AP3B2: variants seen among roughly 807,000 people sequenced by gnomAD.
AP3B2 encodes the protein AP-3 complex subunit beta-2.
Under a neutral mutation model 126.9 loss-of-function variants are expected in AP3B2, and 50 were observed. The observed-to-expected ratio is 0.39, with a 90% confidence interval of 0.31 to 0.50. AP3B2 has a LOEUF of 0.50. Ranked by LOEUF, AP3B2 falls within the 20% of genes least tolerant of loss-of-function variation. The pLI, the probability that AP3B2 is intolerant of heterozygous loss-of-function variation, is 0.79. For missense variants in AP3B2, 1,177 were observed against 1,426.4 expected, an observed-to-expected ratio of 0.83 and a Z score of 2.82; for synonymous variants, 541 against 565.0, an observed-to-expected ratio of 0.96 and a Z score of 0.60.
Position 82,665,530 on chromosome 15 carries a change from G to C in AP3B2, c.1898C>G (p.Ala633Gly), listed in dbSNP as rs374158382. The change falls in exon 16 of 27, where the codon GCC becomes GGC. Residue 633 changes from alanine (A) to glycine (G), a missense_variant. Coordinates refer to ENST00000535359, the MANE Select transcript of AP3B2 (RefSeq NM_001278512.2). The surrounding 1 kb of genome is among the most constrained non-coding windows in gnomAD (Gnocchi z 4.4). ...QLGSLSHLLNAKATGYQELPD... is the reference protein window; with the variant it reads ...QLGSLSHLLNGKATGYQELPD... Reference sequence around the variant, plus strand: ...GAGCTCCTGGTAGCCTGTGGCCTTGGCATTAAGCAGGTGGGACAGTGAGCC... The same window carrying C: ...GAGCTCCTGGTAGCCTGTGGCCTTGCCATTAAGCAGGTGGGACAGTGAGCC... 1.9e-6 allele frequency: 3 copies of C among 1,613,840 alleles called. No homozygotes were observed. Among genetic ancestry groups the C allele is most frequent in the Non-Finnish European group, 2.5e-6 (3 of 1,179,902 alleles).
At chr15:82,671,100 C>T (rs142143422) in intron 14 of AP3B2, among the ~76,000 whole-genome samples, 20 of 151,820 alleles carry the variant, frequency 1.3e-4, no homozygotes, top group Admixed American at 3.9e-4. Flanking sequence ...CTGACCAACA[C>T]AGCGAAACCC....
At chr15:82,673,455 C>A (rs958451682) in intron 14 of AP3B2, among the ~76,000 whole-genome samples, 10 of 152,138 alleles carry the variant, frequency 6.6e-5, no homozygotes, top group Admixed American at 6.5e-4. Flanking sequence ...CTCAAATGAC[C>A]CACCCACCTT....
chr15:82,689,501 G>C (rs1443608757), intron 1 of AP3B2, 48 bp from the exon 2 acceptor site: 5 of 1,576,424 alleles, frequency 3.2e-6, no homozygotes, highest in Admixed American at 1.8e-5. Flanking sequence ...GGTGGGGATG[G>C]GGTATTAATC....
chr15:82,672,685 C>T (rs2048177471), intron 14 of AP3B2, among the ~76,000 whole-genome samples: 1 of 152,104 alleles, frequency 6.6e-6, no homozygotes, highest in South Asian at 2.1e-4. Flanking sequence ...GATTGTTATG[C>T]ATTATATGCC....
chr15:82,677,552 AGACC>A (rs2048263904), intron 12 of AP3B2, 115 bp downstream of exon 12: 3 of 1,418,544 alleles, frequency 2.1e-6, no homozygotes, highest in South Asian at 2.8e-5. Context: ...CAAGACAGAC[AGACC>A]AATGGATACA....
intron 4 of AP3B2, among the ~76,000 whole-genome samples, chr15:82,684,586 T>C (rs2048395854): frequency 6.6e-6 from 1 of 152,252 alleles, no homozygotes; most frequent in Non-Finnish European, 1.5e-5. Flanking sequence ...ATGTGTTTAC[T>C]GGAGAAGCAC....
intron 4 of AP3B2, chr15:82,686,105 A>G (rs2048422037): frequency 6.6e-6 from 1 of 152,248 alleles, no homozygotes; most frequent in African/African-American, 2.4e-5. Context: ...AGAAGACACA[A>G]AATCAGGAGG....
rs541690880 is a variant in AP3B2 at position 82,699,641 on chromosome 15, GCTGGCT to G, written c.113+9947_113+9952del. On this transcript the variant is annotated intron_variant, in intron 1 of 26. Transcript: ENST00000535359. ...CTGTGGGTTCCTCTATACCGTAGTGGCTGGCTCTGGCTCTGGCTGGCCTCTGGGCAA... is the reference window on the plus strand; with the variant it reads ...CTGTGGGTTCCTCTATACCGTAGTGGCTGGCTCTGGCTGGCCTCTGGGCAA... 1,282 of 400,124 alleles carry G rather than the reference GCTGGCT, an allele frequency of 3.2e-3. 12 individuals carry two copies. Among genetic ancestry groups the G allele is most frequent in the African/African-American group, 0.023 (1,109 of 48,748 alleles). 24.8% of individuals were successfully genotyped at this position (400,124 alleles called of 1,614,324 possible).
At chr15:82,690,650 T>TC (rs2048513354) in intron 1 of AP3B2, among the ~76,000 whole-genome samples, 1 of 127,552 alleles carries the variant, frequency 7.8e-6, no homozygotes, top group Non-Finnish European at 1.7e-5. Flanking sequence ...TTCTTTTTTT[T>TC]TTTTTTTTTT....
rs1567252968 is a variant in AP3B2 at position 82,659,861 on chromosome 15, T to C, written c.3139A>G (p.Thr1047Ala). The change falls in exon 26 of 27, where the codon ACA (threonine) becomes GCA (alanine). Residue 1047 changes from threonine to alanine, a missense_variant. Physicochemically the swap from Thr to Ala is moderately conservative, Grantham distance 58. Around this residue, in one of 5 missense-constraint regions of AP3B2, gnomAD observed 587 missense variants for 571.3 expected, o/e 1.03. Coordinates refer to ENST00000535359, the MANE Select transcript of AP3B2 (RefSeq NM_001278512.2). ...TANLGRVPCGTSDEYRFAGRT... is the reference protein window; with the variant it reads ...TANLGRVPCGASDEYRFAGRT... ...GCCTAGTACCTGTACTCATCAGATG[T>C]CCCACAAGGAACACGACCCAGGTTG... 6.2e-7 allele frequency: 1 copy of C among 1,613,960 alleles called. No individual in the cohort carries two copies.
In AP3B2 at chr15:82,709,696, G is replaced by T. The variant is rs1406568790; in HGVS notation, c.11C>A (p.Ala4Asp). The T allele has an allele frequency of 2.0e-6, 3 of 1,489,152 alleles. No individual in the cohort carries two copies. Among genetic ancestry groups the T allele is most frequent in the Non-Finnish European group, 1.8e-6 (2 of 1,120,374 alleles). The allele number at this position is 1,489,152 out of a possible 1,614,324, so 92.2% of individuals were successfully genotyped here. The change falls in exon 1 of 27, where the codon GCC (alanine) becomes GAC (aspartate). Residue 4 changes from alanine (A) to aspartate (D), a missense_variant. Around this residue, in one of 5 missense-constraint regions of AP3B2, gnomAD observed 49 missense variants for 39.3 expected, o/e 1.25. Coordinates refer to ENST00000535359, the MANE Select transcript of AP3B2 (RefSeq NM_001278512.2). ...GCCCTTGTCTTCGCTGTAGGCGGGGGCGGCCGACATGGGGCGGCCAGGGAG... is the reference window on the plus strand; with the variant it reads ...GCCCTTGTCTTCGCTGTAGGCGGGGTCGGCCGACATGGGGCGGCCAGGGAG... The part of the protein sequence containing the change: MSA[A>D]PAYSEDKGGS...
At chr15:82,699,962 T>C in intron 1 of AP3B2, 2 of 398,732 alleles carry the variant, frequency 5.0e-6, no homozygotes, top group Non-Finnish European at 4.4e-6. Flanking sequence ...CAAAACTTGG[T>C]AACCGGACAC....
chr15:82,689,064 C>T, intron 3 of AP3B2, 94 bp downstream of exon 3: 1 of 1,430,548 alleles, frequency 7.0e-7, no homozygotes, highest in Non-Finnish European at 9.8e-7. Context: ...CAGGTCGGGC[C>T]CCCAGGGGCT....
Position 82,662,925 on chromosome 15 carries a change from A to G in AP3B2, c.2605-3T>C. Reference sequence around the variant, plus strand: ...ACACCCGATACTGGACTCAGAAGCTAGAGTGGAGGGGTAGGGAAGGACAGA... The same window carrying G: ...ACACCCGATACTGGACTCAGAAGCTGGAGTGGAGGGGTAGGGAAGGACAGA... On this transcript the variant is annotated splice_region_variant and splice_polypyrimidine_tract_variant and intron_variant, in intron 22 of 26. Coordinates refer to ENST00000535359, the MANE Select transcript of AP3B2 (RefSeq NM_001278512.2). The G allele has an allele frequency of 6.2e-7, 1 of 1,611,336 alleles. No homozygotes were observed. Among genetic ancestry groups the G allele is most frequent in the Non-Finnish European group, 8.5e-7 (1 of 1,179,230 alleles).
chr15:82,679,644 A>T, intron 10 of AP3B2, 85 bp downstream of exon 10: 1 of 1,261,182 alleles, frequency 7.9e-7, no homozygotes, highest in Non-Finnish European at 1.1e-6. Flanking sequence ...ATAGGCAGGC[A>T]CCAGGGGGGC....
intron 4 of AP3B2, among the ~76,000 whole-genome samples, chr15:82,683,917 T>C (rs961151564): frequency 1.3e-5 from 2 of 152,238 alleles, no homozygotes; most frequent in Non-Finnish European, 2.9e-5. Flanking sequence ...AGCAGTAATA[T>C]TATGAAAGGA....
At chr15:82,703,747 T>C (rs1418104813) in intron 1 of AP3B2, among the ~76,000 whole-genome samples, 2 of 152,116 alleles carry the variant, frequency 1.3e-5, no homozygotes, top group Admixed American at 1.3e-4. Flanking sequence ...CTGTTCCCAA[T>C]GCGACTCATC....
intron 4 of AP3B2, among the ~76,000 whole-genome samples, chr15:82,682,878 G>C (rs935149772): frequency 6.6e-6 from 1 of 151,446 alleles, no homozygotes; most frequent in African/African-American, 2.4e-5. Flanking sequence ...CTTGAGCCTA[G>C]GAGTTCAAGA....
At chr15:82,690,449 C>T (rs1346565459) in intron 1 of AP3B2, among the ~76,000 whole-genome samples, 3 of 151,786 alleles carry the variant, frequency 2.0e-5, no homozygotes, top group South Asian at 2.1e-4. Flanking sequence ...TTCCCCACCC[C>T]GTGTTCAAGT....
Sources: allele counts gnomAD v4.1 joint callset (sites outside exome capture counted in the v4.1 genomes callset), GRCh38; gene constraint gnomAD v4.1.1; regional missense constraint gnomAD v4.1.1; non-coding constraint Gnocchi (gnomAD v3.1); transcripts MANE v1.5; gene names NCBI Gene and HGNC (gene_info 2026-07-23, HGNC 2026-07-21).